The following CDKAL1 variants were observed in gnomAD, a reference collection of about 807,000 sequenced individuals.
CDKAL1 encodes threonylcarbamoyladenosine tRNA methylthiotransferase.
A neutral mutation model predicts 68.2 loss-of-function variants in CDKAL1; 32 were observed. The ratio of observed to expected loss-of-function variants is 0.47; its 90% CI spans 0.35 to 0.63. The LOEUF is 0.63. Ranked by LOEUF, CDKAL1 falls within the 30% of genes least tolerant of loss-of-function variation. The pLI, the probability that CDKAL1 is intolerant of heterozygous loss-of-function variation, is 0.00. For missense variants in CDKAL1, 606 were observed against 696.7 expected (o/e 0.87, Z 1.47); for synonymous variants, 234 against 244.3 (o/e 0.96, Z 0.39).
chr6:20,667,568 A>G (rs9350270), intron 5 of CDKAL1, among the ~76,000 whole-genome samples: 30,593 of 152,036 alleles, frequency 0.2, 3,698 homozygotes, highest in East Asian at 0.48. Flanking sequence ...TTATTAATTC[A>G]GTTGTTCAAA....
At chr6:21,068,405 G>C (rs1771575450) in intron 12 of CDKAL1, among the ~76,000 whole-genome samples, 2 of 152,078 alleles carry the variant, frequency 1.3e-5, no homozygotes, top group Non-Finnish European at 2.9e-5. Flanking sequence ...AGGTGTGTTT[G>C]GGTTTCAGGG....
At chr6:20,606,207 G>C (rs1173790258) in intron 4 of CDKAL1, among the ~76,000 whole-genome samples, 9 of 152,048 alleles carry the variant, frequency 5.9e-5, no homozygotes, top group Admixed American at 5.9e-4. Flanking sequence ...TTATTTCTGA[G>C]ACCATATATT....
At chr6:20,599,368 G>C (rs527304799) in intron 4 of CDKAL1, 97 of 454,230 alleles carry the variant, frequency 2.1e-4, no homozygotes, top group Admixed American at 1.5e-3. Flanking sequence ...TCTCTCTCCA[G>C]TTATTTCAGG....
intron 13 of CDKAL1, among the ~76,000 whole-genome samples, chr6:21,154,513 T>C (rs530104353): frequency 1.3e-5 from 2 of 152,328 alleles, no homozygotes; most frequent in East Asian, 3.9e-4. Flanking sequence ...CCTTATACTT[T>C]TGCTCCTTGA....
intron 12 of CDKAL1, among the ~76,000 whole-genome samples, chr6:21,087,697 G>C (rs1772767284): frequency 6.6e-6 from 1 of 151,842 alleles, no homozygotes; most frequent in Non-Finnish European, 1.5e-5. Context: ...CCTAACTCTT[G>C]GTCAATGGTT....
intron 7 of CDKAL1, among the ~76,000 whole-genome samples, chr6:20,760,785 A>G (rs1561754215): frequency 1.3e-5 from 2 of 152,230 alleles, no homozygotes; most frequent in African/African-American, 4.8e-5. Flanking sequence ...GCCACTCAAT[A>G]ATTTTTTAAA....
chr6:20,609,260 CCT>C (rs1491055476), intron 4 of CDKAL1, among the ~76,000 whole-genome samples: 86 of 120,594 alleles, frequency 7.1e-4, no homozygotes, highest in African/African-American at 1.5e-3. Flanking sequence ...CTTCCTCCTT[CCT>C]TCCTCCTCCT....
intron 10 of CDKAL1, among the ~76,000 whole-genome samples, chr6:20,973,790 A>G (rs1370577780): frequency 6.6e-6 from 1 of 151,970 alleles, no homozygotes; most frequent in Non-Finnish European, 1.5e-5. Context: ...TTTTTAGGAA[A>G]GTCATGGTCT....
rs1310490306 is a variant in CDKAL1, at chr6:21,043,321, ATATGTGTGTG to A, written c.1056-21715_1056-21706del. On this transcript the variant is annotated intron_variant, in intron 11 of 15. Coordinates refer to ENST00000274695, the MANE Select transcript of CDKAL1 (RefSeq NM_017774.3). ...AGTAAGTCTTCTGCCCACATCACAT[ATATGTGTGTG>A]TATGTGTGTGTGTGTTTGTGTGTGT... is the stretch of plus-strand genomic sequence containing the variant. Among the ~76,000 whole-genome samples the A allele has an allele frequency of 4.7e-5, 7 of 148,426 alleles. No individual in the cohort carries two copies. In the Admixed American group the frequency reaches 4.8e-4, roughly 10 times the overall value.
chr6:20,624,367 T>A (rs1172339555), intron 4 of CDKAL1, among the ~76,000 whole-genome samples: 1 of 114,490 alleles, frequency 8.7e-6, no homozygotes, highest in Non-Finnish European at 2.0e-5. Flanking sequence ...TGCATTCGAT[T>A]TTTAAGTTTT....
At chr6:21,155,564 C>T (rs115747451) in intron 13 of CDKAL1, among the ~76,000 whole-genome samples, 3 of 152,176 alleles carry the variant, frequency 2.0e-5, no homozygotes, top group African/African-American at 4.8e-5. Context: ...TGTCTTGAGA[C>T]GGTGAAAGCT....
At chr6:20,742,067 C>A (rs1391889197) in intron 6 of CDKAL1, among the ~76,000 whole-genome samples, 1 of 152,046 alleles carries the variant, frequency 6.6e-6, no homozygotes, top group East Asian at 1.9e-4. Flanking sequence ...ATCAGTGACA[C>A]TGAGCTTTTT....
chr6:20,701,865 C>T (rs1043342038), intron 5 of CDKAL1, among the ~76,000 whole-genome samples: 1 of 151,970 alleles, frequency 6.6e-6, no homozygotes, highest in Non-Finnish European at 1.5e-5. Context: ...AATCAGCTTT[C>T]TTGAAGGATA....
chr6:20,924,813 G>A (rs766464866), intron 9 of CDKAL1, among the ~76,000 whole-genome samples: 1 of 152,216 alleles, frequency 6.6e-6, no homozygotes, highest in Non-Finnish European at 1.5e-5. Flanking sequence ...TAAGACCATC[G>A]ATGAAGGCGC....
chr6:20,881,214 G>C (rs2081622556), intron 9 of CDKAL1, among the ~76,000 whole-genome samples: 1 of 152,112 alleles, frequency 6.6e-6, no homozygotes, highest in African/African-American at 2.4e-5. Flanking sequence ...CAGAGTCTGC[G>C]ATTCAGTAGG....
intron 4 of CDKAL1, among the ~76,000 whole-genome samples, chr6:20,641,960 G>A (rs894965836): frequency 7.9e-5 from 12 of 152,290 alleles, no homozygotes; most frequent in Middle Eastern, 3.4e-3. Flanking sequence ...TTTCATCAGC[G>A]TAGCCTGCCA....
At chr6:21,055,546 T>C (rs1207639380) in intron 11 of CDKAL1, among the ~76,000 whole-genome samples, 1 of 152,082 alleles carries the variant, frequency 6.6e-6, no homozygotes. Context: ...CTCAACAGGC[T>C]CCAGTGTGTG....
intron 9 of CDKAL1, among the ~76,000 whole-genome samples, chr6:20,923,681 A>G (rs1763058609): frequency 6.6e-6 from 1 of 152,154 alleles, no homozygotes; most frequent in Non-Finnish European, 1.5e-5. Context: ...TAAGTGTTCA[A>G]GTGAGAGGAG....
chr6:20,766,069 C>T (rs558352256), intron 7 of CDKAL1, among the ~76,000 whole-genome samples: 1 of 152,250 alleles, frequency 6.6e-6, no homozygotes, highest in East Asian at 1.9e-4. Flanking sequence ...AATGAATCCC[C>T]CAAGTGGATT....
Sources: allele counts gnomAD v4.1 joint callset (sites outside exome capture counted in the v4.1 genomes callset), GRCh38; gene constraint gnomAD v4.1.1; transcripts MANE v1.5; gene names NCBI Gene and HGNC (gene_info 2026-07-23, HGNC 2026-07-21).